The following REDIC1 variants were observed in gnomAD, a reference collection of about 807,000 sequenced individuals.
REDIC1 encodes regulator of DNA class I crossover intermediates 1, also known as HEI10 Interacting Protein 1.
the REDIC1 span, chr12:39,759,956 G>A: frequency 8.6e-7 from 1 of 1,164,264 alleles, no homozygotes; most frequent in Non-Finnish European, 1.3e-6. Context: ...AAGCAGGGCA[G>A]TGAAGTCACC....
the REDIC1 span, among the ~76,000 whole-genome samples, chr12:39,894,443 T>G: frequency 2.0e-5 from 3 of 152,208 alleles, no homozygotes; most frequent in Admixed American, 1.3e-4. Context: ...CTAATACCTT[T>G]AATAAAAGGA....
At chr12:39,723,089 A>T in the REDIC1 span, among the ~76,000 whole-genome samples, 1 of 152,108 alleles carries the variant, frequency 6.6e-6, no homozygotes, top group Non-Finnish European at 1.5e-5. Context: ...ACTTCATGTG[A>T]ATTGTCAGTC....
chr12:39,858,347 G>A, the REDIC1 span, among the ~76,000 whole-genome samples: 127 of 152,052 alleles, frequency 8.4e-4, no homozygotes, highest in African/African-American at 2.9e-3. Flanking sequence ...ATACAACATT[G>A]TTTTCTACTG....
the REDIC1 span, chr12:39,759,951 G>T: frequency 9.3e-7 from 1 of 1,072,814 alleles, no homozygotes. Context: ...ATTAGAAGCA[G>T]GGCAGTGAAG....
chr12:39,889,510 C>T, the REDIC1 span, among the ~76,000 whole-genome samples: 9 of 149,814 alleles, frequency 6.0e-5, no homozygotes, highest in African/African-American at 1.5e-4. Flanking sequence ...GCCGACTTTA[C>T]GCTTCAGTGG....
the REDIC1 span, among the ~76,000 whole-genome samples, chr12:39,764,101 C>G: frequency 1.3e-5 from 2 of 152,096 alleles, no homozygotes; most frequent in Non-Finnish European, 2.9e-5. Context: ...CCTAGACTCC[C>G]TGCCTACATC....
chr12:39,729,402 T>C, the REDIC1 span, among the ~76,000 whole-genome samples: 1 of 152,228 alleles, frequency 6.6e-6, no homozygotes, highest in Non-Finnish European at 1.5e-5. Context: ...ATTTCTATCT[T>C]CATTTTGTTA....
the REDIC1 span, among the ~76,000 whole-genome samples, chr12:39,636,794 T>A: frequency 6.6e-6 from 1 of 152,004 alleles, no homozygotes; most frequent in African/African-American, 2.4e-5. Flanking sequence ...CAGTATATGG[T>A]GTTTATATGA....
the REDIC1 span, among the ~76,000 whole-genome samples, chr12:39,653,572 T>TC: frequency 0.014 from 1,034 of 72,196 alleles, 165 homozygotes; most frequent in Admixed American, 0.017. Context: ...TTCTTCTTCT[T>TC]TTTCTTCCTC....
At chr12:39,640,335 G>C in the REDIC1 span, among the ~76,000 whole-genome samples, 1 of 151,854 alleles carries the variant, frequency 6.6e-6, no homozygotes, top group Non-Finnish European at 1.5e-5. Context: ...CAAATCTGTT[G>C]GTGCCTTGAT....
chr12:39,811,210 C>G, the REDIC1 span, among the ~76,000 whole-genome samples: 1 of 151,974 alleles, frequency 6.6e-6, no homozygotes, highest in Admixed American at 6.6e-5. Context: ...TCTCCCTAAA[C>G]GAGTCCAGCT....
the REDIC1 span, among the ~76,000 whole-genome samples, chr12:39,815,334 T>A: frequency 6.6e-6 from 1 of 152,218 alleles, no homozygotes; most frequent in Admixed American, 6.5e-5. Context: ...CCTTTATTGT[T>A]AACTATTGTC....
the REDIC1 span, among the ~76,000 whole-genome samples, chr12:39,702,542 C>T: frequency 6.6e-6 from 1 of 152,036 alleles, no homozygotes; most frequent in Non-Finnish European, 1.5e-5. Context: ...TGAAACTATT[C>T]CAATCAATAG....
the REDIC1 span, chr12:39,864,641 T>C: frequency 7.5e-7 from 1 of 1,341,418 alleles, no homozygotes; most frequent in Non-Finnish European, 1.0e-6. Context: ...TTTCTTCCCT[T>C]CTTACATAAG....
At chr12:39,735,120 G>A in the REDIC1 span, among the ~76,000 whole-genome samples, 1 of 152,150 alleles carries the variant, frequency 6.6e-6, no homozygotes, top group Non-Finnish European at 1.5e-5. Context: ...TACACATTTT[G>A]GTACCTGGGA....
the REDIC1 span, among the ~76,000 whole-genome samples, chr12:39,846,062 A>G: frequency 1.3e-5 from 2 of 152,126 alleles, no homozygotes; most frequent in Admixed American, 1.3e-4. Context: ...ATGTTCATCT[A>G]CCTGTGTAAC....
the REDIC1 span, among the ~76,000 whole-genome samples, chr12:39,790,228 T>C: frequency 6.6e-6 from 1 of 152,026 alleles, no homozygotes; most frequent in African/African-American, 2.4e-5. Context: ...TCTTCTTCTT[T>C]TTTTATTATA....
the REDIC1 span, among the ~76,000 whole-genome samples, chr12:39,701,449 G>C: frequency 9.8e-5 from 15 of 152,308 alleles, 1 homozygote; most frequent in African/African-American, 3.6e-4. Flanking sequence ...AGATTCCTGA[G>C]TGACCTACAA....
the REDIC1 span, among the ~76,000 whole-genome samples, chr12:39,675,149 G>A: frequency 3.0e-3 from 460 of 152,148 alleles, 1 homozygote; most frequent in Non-Finnish European, 5.0e-3. Context: ...GCCTATCACC[G>A]GAGGCTTTCT....
Sources: gnomAD v4.1 joint callset for allele counts (sites outside exome capture counted in the v4.1 genomes callset) on GRCh38, gnomAD v4.1.1 for gene constraint, MANE v1.5 for transcripts, NCBI Gene and HGNC (gene_info 2026-07-23, HGNC 2026-07-21) for gene names.